Variants in ARHGAP6 observed in about 807,000 individuals in gnomAD.
ARHGAP6 encodes the protein Rho GTPase activating protein 6, also known as rho GTPase-activating protein 6.
ARHGAP6 carries 16 observed loss-of-function variants against 55.7 expected under a neutral mutation model. The ratio of observed to expected loss-of-function variants is 0.29; its 90% confidence interval spans 0.19 to 0.44. The LOEUF (loss-of-function observed/expected upper bound fraction) is 0.44, where lower values mean the gene tolerates loss of function less well. ARHGAP6 is among the 20% of genes least tolerant of loss of function. ARHGAP6 has a pLI of 1.00. For missense variants in ARHGAP6, 698 were observed against 808.9 expected (o/e 0.86, Z 1.66); for synonymous variants, 382 against 360.9 (o/e 1.06, Z -0.66).
At chrX:11,574,182 T>C (rs1482998274) in intron 1 of ARHGAP6, among the ~76,000 whole-genome samples, 1 of 111,296 alleles carries the variant, frequency 9.0e-6, no homozygotes, top group Non-Finnish European at 1.9e-5. Context: ...CTGAAACTAT[T>C]CCAATCAATA....
intron 1 of ARHGAP6, among the ~76,000 whole-genome samples, chrX:11,537,558 C>T (rs2051116158): frequency 8.9e-6 from 1 of 112,241 alleles, no homozygotes; most frequent in Non-Finnish European, 1.9e-5. Flanking sequence ...AAAGATGATG[C>T]TGGCTTATGT....
At chrX:11,261,800 T>G (rs1460511634) in intron 1 of ARHGAP6, among the ~76,000 whole-genome samples, 2 of 111,359 alleles carry the variant, frequency 1.8e-5, no homozygotes, top group African/African-American at 6.5e-5. Flanking sequence ...CTGAAGACAT[T>G]TTTGGTTGTT....
chrX:11,516,124 T>G (rs1363408219), intron 1 of ARHGAP6, among the ~76,000 whole-genome samples: 1 of 112,890 alleles, frequency 8.9e-6, no homozygotes, highest in Non-Finnish European at 1.9e-5. Flanking sequence ...GATTGAGCAC[T>G]TATTATATCT....
intron 1 of ARHGAP6, among the ~76,000 whole-genome samples, chrX:11,440,217 T>C (rs2050026558): frequency 8.9e-6 from 1 of 112,731 alleles, no homozygotes; most frequent in South Asian, 3.6e-4. Flanking sequence ...CGAATTGTTA[T>C]TTTTATGGCA....
intron 1 of ARHGAP6, among the ~76,000 whole-genome samples, chrX:11,461,174 C>T (rs759918022): frequency 1.5e-4 from 17 of 111,993 alleles, no homozygotes; most frequent in African/African-American, 5.5e-4. Context: ...AGTGATCTCA[C>T]GTAACTCAAG....
chrX:11,218,046 C>T (rs780978205), intron 2 of ARHGAP6, among the ~76,000 whole-genome samples: 18 of 111,240 alleles, frequency 1.6e-4, no homozygotes, highest in Non-Finnish European at 2.6e-4. Flanking sequence ...TGTTCTGAGG[C>T]CTCTGTTCTG....
intron 1 of ARHGAP6, among the ~76,000 whole-genome samples, chrX:11,432,238 C>T (rs1308184709): frequency 3.6e-5 from 4 of 112,636 alleles, no homozygotes; most frequent in African/African-American, 1.3e-4. Context: ...TTTTGCTCAA[C>T]ATTCCGTTTC....
chrX:11,146,582 C>G (rs977562600), intron 10 of ARHGAP6, among the ~76,000 whole-genome samples: 1 of 112,622 alleles, frequency 8.9e-6, no homozygotes, highest in African/African-American at 3.2e-5. Flanking sequence ...GAAATATCCC[C>G]TTGGCCTGTG....
At chrX:11,608,649 C>T (rs1417966204) in intron 1 of ARHGAP6, among the ~76,000 whole-genome samples, 3 of 111,750 alleles carry the variant, frequency 2.7e-5, no homozygotes, top group South Asian at 3.8e-4. Flanking sequence ...GTAATTCCCA[C>T]GTGTTGTGGG....
chrX:11,614,775 G>A (rs368956534), intron 1 of ARHGAP6, among the ~76,000 whole-genome samples: 5 of 112,032 alleles, frequency 4.5e-5, no homozygotes, highest in Admixed American at 9.4e-5. Context: ...GGTAAAAATC[G>A]ATTACTGGGA....
chrX:11,498,873 G>A (rs2050649667), intron 1 of ARHGAP6, among the ~76,000 whole-genome samples: 1 of 112,160 alleles, frequency 8.9e-6, no homozygotes, highest in African/African-American at 3.2e-5. Flanking sequence ...TTTGGTAAAA[G>A]AGCAATATCT....
intron 1 of ARHGAP6, among the ~76,000 whole-genome samples, chrX:11,562,133 GA>G (rs1369057869): frequency 8.9e-6 from 1 of 112,263 alleles, no homozygotes; most frequent in Non-Finnish European, 1.9e-5. Context: ...AATACATTAT[GA>G]AGGGACTAGG....
At chrX:11,489,780 T>C (rs2050548299) in intron 1 of ARHGAP6, among the ~76,000 whole-genome samples, 1 of 111,854 alleles carries the variant, frequency 8.9e-6, no homozygotes. Context: ...CATTTACCCA[T>C]GCTGTGCTTG....
At position 11,596,114 on chromosome X, in the gene ARHGAP6, C is replaced by A. The variant is rs531563225; in HGVS notation, c.588+68127G>T. On this transcript the variant is annotated intron_variant, in intron 1 of 12. Coordinates refer to ENST00000337414, the MANE Select transcript of ARHGAP6 (RefSeq NM_013427.3). ...TATAAACCATTCTACTATAAAGACACATGCACATATATGCTTATTGTGGCA... is the reference window on the plus strand; with the variant it reads ...TATAAACCATTCTACTATAAAGACAAATGCACATATATGCTTATTGTGGCA... Among the ~76,000 whole-genome samples the A allele has an allele frequency of 3.6e-4, 40 of 112,123 alleles. 1 individual carries two copies. The highest frequency in any genetic ancestry group is 1.1e-3 in the African/African-American group (33 of 30,840).
chrX:11,346,800 T>TA (rs1413898845), intron 1 of ARHGAP6, among the ~76,000 whole-genome samples: 1 of 109,391 alleles, frequency 9.1e-6, no homozygotes. Context: ...GTGGACAAAA[T>TA]AAAAAATAAT....
chrX:11,584,419 A>C (rs1331019040), intron 1 of ARHGAP6, among the ~76,000 whole-genome samples: 1 of 111,677 alleles, frequency 9.0e-6, no homozygotes, highest in Non-Finnish European at 1.9e-5. Flanking sequence ...CTGTTTGATT[A>C]CTCAGATCTA....
chrX:11,400,135 C>G (rs1390198968), intron 1 of ARHGAP6, among the ~76,000 whole-genome samples: 1 of 111,707 alleles, frequency 9.0e-6, no homozygotes, highest in East Asian at 2.8e-4. Context: ...TCAGGATGTT[C>G]TAGAACATGT....
intron 10 of ARHGAP6, among the ~76,000 whole-genome samples, chrX:11,147,400 CAG>C (rs1053377030): frequency 8.9e-6 from 1 of 112,533 alleles, no homozygotes; most frequent in Non-Finnish European, 1.9e-5. Flanking sequence ...AGACACAGAA[CAG>C]AGAGAGAGTA....
intron 2 of ARHGAP6, among the ~76,000 whole-genome samples, chrX:11,239,077 C>A (rs1272171401): frequency 1.8e-5 from 2 of 111,338 alleles, no homozygotes; most frequent in Non-Finnish European, 3.8e-5. Flanking sequence ...GATAGCAATG[C>A]ACCAATGTTG....
Sources: gnomAD v4.1 joint callset for allele counts (sites outside exome capture counted in the v4.1 genomes callset) on GRCh38, gnomAD v4.1.1 for gene constraint, MANE v1.5 for transcripts, NCBI Gene and HGNC (gene_info 2026-07-23, HGNC 2026-07-21) for gene names.